The following METTL15 variants were observed in gnomAD, a reference collection of about 807,000 sequenced individuals.
METTL15 encodes the protein methyltransferase 15, mitochondrial 12S rRNA N4-cytidine.
In METTL15, 34 loss-of-function variants were observed where a neutral mutation model predicts 38.3. The ratio of observed to expected loss-of-function variants is 0.89; its 90% CI spans 0.68 to 1.18. The LOEUF is 1.18. Among genes scored for constraint, METTL15 ranks in the 50% most tolerant of loss-of-function variants. The pLI is 0.00. For missense variants in METTL15, 438 were observed against 498.4 expected (o/e 0.88, Z 1.15); for synonymous variants, 162 against 170.9 (o/e 0.95, Z 0.41).
chr11:28,335,076 A>T (rs999483747), downstream of METTL15, among the ~76,000 whole-genome samples: 5 of 152,204 alleles, frequency 3.3e-5, no homozygotes, highest in African/African-American at 1.2e-4. Context: ...ATCAAACAAG[A>T]GGACATGCTC....
chr11:28,324,741 C>G (rs1234716383), intron 6 of METTL15, among the ~76,000 whole-genome samples: 1 of 152,042 alleles, frequency 6.6e-6, no homozygotes, highest in Non-Finnish European at 1.5e-5. Flanking sequence ...TTGATATGAC[C>G]GAATATTGTG....
intron 5 of METTL15, chr11:28,398,939 A>AAAAAGCT (rs1850602467): frequency 6.6e-6 from 1 of 152,024 alleles, no homozygotes; most frequent in Non-Finnish European, 1.5e-5. Flanking sequence ...ACAGAATTAG[A>AAAAAGCT]AAAAGCTACT....
chr11:28,512,770 A>G (rs887073689), intron 6 of METTL15, among the ~76,000 whole-genome samples: 5 of 152,202 alleles, frequency 3.3e-5, no homozygotes, highest in African/African-American at 7.2e-5. Flanking sequence ...CAGCCCAGAA[A>G]GGGGCTCCCA....
intron 6 of METTL15, among the ~76,000 whole-genome samples, chr11:28,485,809 A>G (rs1379114291): frequency 6.6e-6 from 1 of 152,140 alleles, no homozygotes; most frequent in Non-Finnish European, 1.5e-5. Context: ...GTCCGAGATC[A>G]CAGTGCAGGC....
chr11:28,143,575 T>G (rs1590803140), intron 3 of METTL15, among the ~76,000 whole-genome samples: 1 of 152,302 alleles, frequency 6.6e-6, no homozygotes, highest in South Asian at 2.1e-4. Flanking sequence ...GATGTAACGG[T>G]TCCTATTTTG....
In METTL15 at chr11:28,130,230, G is replaced by A. The variant is rs1239176919; in HGVS notation, c.270+16626G>A. Among the ~76,000 whole-genome samples, 3 of 152,186 alleles carry A rather than the reference G, an allele frequency of 2.0e-5. No homozygotes were observed. The East Asian group carries it at 5.8e-4, about 29-fold the overall frequency. ...AGAGGCTGAGGTTGGAGGATCACAC[G>A]AGCCCTGGAGGTCAAGGCTGCAGTA... On this transcript the variant is annotated intron_variant, in intron 3 of 6. Transcript: ENST00000407364.
intron 6 of METTL15, among the ~76,000 whole-genome samples, chr11:28,434,358 A>T: frequency 6.6e-6 from 1 of 152,170 alleles, no homozygotes; most frequent in East Asian, 1.9e-4. Context: ...AGTCTCAGTT[A>T]TGTCTTTATT....
chr11:28,331,027 GAGC>G lies in METTL15; in HGVS notation c.*194_*196del. 2.2e-6 allele frequency: 1 copy of G among 462,568 alleles called. No homozygotes were observed. The highest frequency in any genetic ancestry group is 2.3e-5 in the African/African-American group (1 of 44,148). The allele number at this position is 462,568 out of a possible 1,614,324, so 28.7% of individuals were successfully genotyped here. A position where few individuals can be genotyped will look rare whatever the true frequency, so the allele number is the denominator to read the frequency against. On this transcript the variant is annotated 3_prime_UTR_variant, in exon 7 of 7. Transcript: ENST00000407364. ...CATGACAGAGAAAGTTACACTCAGG[GAGC>G]AGCAGCACCTCCAGACTGGAAAAAT...
chr11:28,125,401 A>G (rs891759128), intron 3 of METTL15: 11 of 151,896 alleles, frequency 7.2e-5, no homozygotes, highest in South Asian at 6.2e-4. Context: ...ATAGATTGAC[A>G]CTATTCTGGT....
intron 5 of METTL15, among the ~76,000 whole-genome samples, chr11:28,417,100 T>A (rs1057024983): frequency 2.6e-5 from 4 of 152,228 alleles, no homozygotes; most frequent in African/African-American, 9.6e-5. Flanking sequence ...AGGCTATGTC[T>A]GGCCTTAGTG....
intron 6 of METTL15, among the ~76,000 whole-genome samples, chr11:28,444,319 C>A (rs944334864): frequency 2.6e-5 from 4 of 152,046 alleles, no homozygotes; most frequent in African/African-American, 9.7e-5. Context: ...GTAGTACTAA[C>A]AACAAAATCA....
At chr11:28,295,456 C>T (rs902087783) in intron 5 of METTL15, among the ~76,000 whole-genome samples, 2 of 152,036 alleles carry the variant, frequency 1.3e-5, no homozygotes, top group South Asian at 2.1e-4. Flanking sequence ...GTGAGTTTAA[C>T]GGCAGTCCGA....
At chr11:28,207,713 A>G (rs1381596947) in intron 3 of METTL15, among the ~76,000 whole-genome samples, 1 of 152,150 alleles carries the variant, frequency 6.6e-6, no homozygotes, top group Non-Finnish European at 1.5e-5. Flanking sequence ...CCTCTGGTAG[A>G]ATTTGGCTGT....
chr11:28,387,554 A>T (rs1850453894), intron 5 of METTL15, among the ~76,000 whole-genome samples: 1 of 152,008 alleles, frequency 6.6e-6, no homozygotes, highest in Non-Finnish European at 1.5e-5. Flanking sequence ...GGTAATTAAA[A>T]ACCTCCCAGC....
intron 3 of METTL15, among the ~76,000 whole-genome samples, chr11:28,132,361 A>C (rs1849366640): frequency 6.6e-6 from 1 of 152,076 alleles, no homozygotes; most frequent in Non-Finnish European, 1.5e-5. Flanking sequence ...ATTAAGTTAC[A>C]TTTCTTTCAT....
intron 6 of METTL15, among the ~76,000 whole-genome samples, chr11:28,470,490 T>C (rs1401951788): frequency 1.3e-5 from 2 of 152,070 alleles, no homozygotes; most frequent in African/African-American, 4.8e-5. Flanking sequence ...CTTAAGGGGA[T>C]GTGACTGTGA....
At chr11:28,134,617 G>A in intron 3 of METTL15, 1 of 398,462 alleles carries the variant, frequency 2.5e-6, no homozygotes, top group Non-Finnish European at 4.4e-6. Flanking sequence ...CGCTGTTTTG[G>A]AAAAGCGGCA....
chr11:28,375,578 T>C (rs970668671), intron 5 of METTL15, among the ~76,000 whole-genome samples: 68 of 152,194 alleles, frequency 4.5e-4, no homozygotes, highest in Non-Finnish European at 2.8e-4. Context: ...TTAGTCTTGC[T>C]GGCAGTCTAT....
At chr11:28,299,299 G>GTT (rs11460980) in intron 6 of METTL15, among the ~76,000 whole-genome samples, 2 of 152,022 alleles carry the variant, frequency 1.3e-5, no homozygotes, top group Non-Finnish European at 2.9e-5. Flanking sequence ...TGAATGAGAA[G>GTT]TTTTCTAGAT....
Sources: gnomAD v4.1 joint callset for allele counts (sites outside exome capture counted in the v4.1 genomes callset) on GRCh38, gnomAD v4.1.1 for gene constraint, MANE v1.5 for transcripts, NCBI Gene and HGNC (gene_info 2026-07-23, HGNC 2026-07-21) for gene names.